Variants in GPR149 observed in about 807,000 individuals in gnomAD.
GPR149 encodes G protein-coupled receptor 149, also known as probable G protein-coupled receptor 149.
In GPR149, 50 loss-of-function variants were observed where a neutral mutation model predicts 50.2. That is an observed-to-expected ratio of 1.00 (90% CI 0.79 to 1.26). The LOEUF (loss-of-function observed/expected upper bound fraction) is 1.26. Among genes scored for constraint, GPR149 ranks in the 50% most tolerant of loss-of-function variants. The pLI is 0.00. For missense variants in GPR149, 983 were observed against 895.4 expected (o/e 1.10, Z -1.25); for synonymous variants, 405 against 358.2 (o/e 1.13, Z -1.48).
chr3:154,376,205 T>C (rs946870357), intron 3 of GPR149, among the ~76,000 whole-genome samples: 1 of 125,504 alleles, frequency 8.0e-6, no homozygotes, highest in Admixed American at 8.0e-5. Flanking sequence ...GTATTCCTGT[T>C]TTTATCATGT....
At chr3:154,410,735 A>G (rs988658016) in intron 3 of GPR149, among the ~76,000 whole-genome samples, 6 of 152,296 alleles carry the variant, frequency 3.9e-5, no homozygotes, top group Middle Eastern at 3.4e-3. Context: ...TGGCAGCACA[A>G]TAATAGTGGG....
intron 3 of GPR149, among the ~76,000 whole-genome samples, chr3:154,384,085 CAAGAT>C (rs965379544): frequency 6.6e-6 from 1 of 152,040 alleles, no homozygotes; most frequent in Non-Finnish European, 1.5e-5. Context: ...CCAACTAAGA[CAAGAT>C]GAGAGAAATT....
intron 3 of GPR149, among the ~76,000 whole-genome samples, chr3:154,364,568 A>G (rs1375443934): frequency 1.3e-5 from 2 of 152,262 alleles, no homozygotes; most frequent in East Asian, 3.8e-4. Flanking sequence ...ATGGTGAGAT[A>G]GGCATGACAC....
rs1448093575 is a variant in GPR149, at chr3:154,335,529, GTGT to G, written c.*2167_*2169del. ...TAAGACTTTGGGCTAAATAATACTG[GTGT>G]TGTTTCAATGCAGCAGAATTTTTAT... On this transcript the variant is annotated 3_prime_UTR_variant, in exon 4 of 4. Transcript: ENST00000389740. 3 of 152,228 alleles carry G rather than the reference GTGT, an allele frequency of 2.0e-5. No individual in the cohort carries two copies. The highest frequency in any genetic ancestry group is 2.1e-4 in the South Asian group (1 of 4,832). 9.4% of individuals were successfully genotyped at this position (152,228 alleles called of 1,614,324 possible). A position where few individuals can be genotyped will look rare whatever the true frequency, so the allele number is the denominator to read the frequency against.
At chr3:154,423,353 T>C (rs16824030) in intron 2 of GPR149, among the ~76,000 whole-genome samples, 2,405 of 151,968 alleles carry the variant, frequency 0.016, 61 homozygotes, top group African/African-American at 0.055. Flanking sequence ...TAAAACGATA[T>C]GAATTTAAAG....
chr3:154,391,709 T>A (rs569706451), intron 3 of GPR149, among the ~76,000 whole-genome samples: 1 of 151,938 alleles, frequency 6.6e-6, no homozygotes, highest in East Asian at 1.9e-4. Flanking sequence ...TCAATTTATG[T>A]AAACTTCTTA....
At chr3:154,341,973 G>A (rs1713808792) in intron 3 of GPR149, among the ~76,000 whole-genome samples, 1 of 152,122 alleles carries the variant, frequency 6.6e-6, no homozygotes, top group African/African-American at 2.4e-5. Flanking sequence ...AACAGAATGA[G>A]TTAATCAAAT....
At chr3:154,399,715 G>A (rs1232529024) in intron 3 of GPR149, among the ~76,000 whole-genome samples, 2 of 152,184 alleles carry the variant, frequency 1.3e-5, no homozygotes, top group Non-Finnish European at 2.9e-5. Context: ...GGCATGGCCT[G>A]AGGTATCTTT....
chr3:154,354,346 C>T (rs545636830), intron 3 of GPR149: 6 of 238,716 alleles, frequency 2.5e-5, no homozygotes, highest in African/African-American at 9.5e-5. Flanking sequence ...ATTGCAATAT[C>T]GATAGAGCTC....
chr3:154,381,721 G>A (rs1714933625), intron 3 of GPR149, among the ~76,000 whole-genome samples: 1 of 152,028 alleles, frequency 6.6e-6, no homozygotes, highest in South Asian at 2.1e-4. Flanking sequence ...AACTTATGTA[G>A]GTCTATTTGA....
Position 154,428,751 on chromosome 3 carries a change from T to G in GPR149, c.865A>C (p.Arg289=). 1 of 1,614,070 alleles carries G rather than the reference T, an allele frequency of 6.2e-7. No homozygotes were observed. The highest frequency in any genetic ancestry group is 8.5e-7 in the Non-Finnish European group (1 of 1,180,030). The change falls in exon 1 of 4, where the codon AGG becomes CGG. Residue 289 remains arginine, a synonymous_variant. Transcript: ENST00000389740. ...TAGAGAGTCCCCCGGTTCTCACGCC[T>G]GCAGGCTTCAGCCCCAGCGGCAGCG... ...APAAAGAEAC[R]RENRGTLYGT... is the part of the protein sequence containing the mutation.
chr3:154,337,529 G>T lies in GPR149; in HGVS notation c.*170C>A. On this transcript the variant is annotated 3_prime_UTR_variant, in exon 4 of 4. Transcript: ENST00000389740. ...GTGATCTTTAGGTAACACATCAAATGCACTTAAGTGTTTACACTAGTTCCA... is the reference window on the plus strand; with the variant it reads ...GTGATCTTTAGGTAACACATCAAATTCACTTAAGTGTTTACACTAGTTCCA... 2.1e-6 allele frequency: 1 copy of T among 473,086 alleles called. No individual in the cohort carries two copies. Among genetic ancestry groups the T allele is most frequent in the Non-Finnish European group, 3.7e-6 (1 of 270,936 alleles). 29.3% of individuals were successfully genotyped at this position (473,086 alleles called of 1,614,324 possible). A position where few individuals can be genotyped will look rare whatever the true frequency, so the allele number is the denominator to read the frequency against.
intron 3 of GPR149, among the ~76,000 whole-genome samples, chr3:154,395,863 G>A (rs1456555103): frequency 1.3e-5 from 2 of 152,042 alleles, no homozygotes; most frequent in Non-Finnish European, 2.9e-5. Context: ...ACAGCCAAGG[G>A]ATTCAAAATA....
rs933457025 is a variant in GPR149 at position 154,418,310 on chromosome 3, A to G, written c.1623+2729T>C. On this transcript the variant is annotated intron_variant, in intron 3 of 3. Transcript: ENST00000389740. ...TACCATTTGACCCAGCCATCCCATT[A>G]CTGGGTATATACCCAAAGGACTATA... Among the ~76,000 whole-genome samples, 6 of 103,654 alleles carry G rather than the reference A, an allele frequency of 5.8e-5. 1 individual carries two copies. The highest frequency in any genetic ancestry group is 3.9e-5 in the Non-Finnish European group (2 of 51,600). 68.0% of individuals were successfully genotyped at this position (103,654 alleles called of 152,430 possible). A position where few individuals can be genotyped will look rare whatever the true frequency, so the allele number is the denominator to read the frequency against.
intron 3 of GPR149, among the ~76,000 whole-genome samples, chr3:154,384,195 A>G (rs1201916508): frequency 6.6e-6 from 1 of 152,172 alleles, no homozygotes; most frequent in Non-Finnish European, 1.5e-5. Flanking sequence ...AAAAAGCCCC[A>G]GGCGTTTACA....
intron 3 of GPR149, among the ~76,000 whole-genome samples, chr3:154,395,913 A>C (rs1296533659): frequency 1.3e-5 from 2 of 152,158 alleles, no homozygotes; most frequent in African/African-American, 4.8e-5. Context: ...ACTATTCAAT[A>C]TTTTTCCTGA....
At chr3:154,368,151 T>A (rs1403131345) in intron 3 of GPR149, among the ~76,000 whole-genome samples, 1 of 152,214 alleles carries the variant, frequency 6.6e-6, no homozygotes, top group African/African-American at 2.4e-5. Flanking sequence ...GTTGAGACCA[T>A]GGCCCCGCCA....
At chr3:154,367,957 C>T (rs1376299543) in intron 3 of GPR149, among the ~76,000 whole-genome samples, 3 of 152,152 alleles carry the variant, frequency 2.0e-5, no homozygotes, top group South Asian at 2.1e-4. Flanking sequence ...GCGATTAGCG[C>T]GGCCGCCGGA....
At chr3:154,378,082 C>A (rs1486966933) in intron 3 of GPR149, among the ~76,000 whole-genome samples, 1 of 70,882 alleles carries the variant, frequency 1.4e-5, no homozygotes, top group Non-Finnish European at 2.6e-5. Flanking sequence ...GATATATCCC[C>A]CCCCCCTTTT....
Sources: gnomAD v4.1 joint callset for allele counts (sites outside exome capture counted in the v4.1 genomes callset) on GRCh38, gnomAD v4.1.1 for gene constraint, MANE v1.5 for transcripts, NCBI Gene and HGNC (gene_info 2026-07-23, HGNC 2026-07-21) for gene names.